GPR176: variants seen among roughly 807,000 people sequenced by gnomAD.
GPR176 encodes the protein G-protein coupled receptor 176.
In GPR176, 26 loss-of-function variants were observed where a neutral mutation model predicts 35.4. The observed-to-expected ratio is 0.74, with a 90% CI of 0.54 to 1.02. The LOEUF (loss-of-function observed/expected upper bound fraction) is 1.02, where lower values mean the gene tolerates loss of function less well. Ranked by LOEUF, GPR176 falls within the 50% of genes least tolerant of loss-of-function variation. The probability of loss-of-function intolerance (pLI) is 0.00; values close to 1 mark genes in which losing one functional copy is unlikely to be tolerated. For synonymous variants in GPR176, 278 were observed against 271.3 expected, an observed-to-expected ratio of 1.02 and a Z score of -0.24; for missense variants, 597 against 665.3, an observed-to-expected ratio of 0.90 and a Z score of 1.13.
At chr15:39,880,049 G>A (rs986710359) in intron 1 of GPR176, among the ~76,000 whole-genome samples, 3 of 152,164 alleles carry the variant, frequency 2.0e-5, no homozygotes, top group Non-Finnish European at 4.4e-5. Flanking sequence ...CTTTACTCAT[G>A]CACACAGTGA....
chr15:39,801,209 C>G lies in GPR176; in HGVS notation c.1471G>C (p.Val491Leu). 3 of 1,614,094 alleles carry G rather than the reference C, an allele frequency of 1.9e-6. No homozygotes were observed. Among genetic ancestry groups the G allele is most frequent in the Non-Finnish European group, 2.5e-6 (3 of 1,179,918 alleles). Residue 491 changes from valine (V) to leucine (L), a missense_variant, in exon 3 of 3, where the codon GTG (valine) becomes CTG (leucine). Physicochemically the swap from Val to Leu is conservative, Grantham distance 32. Transcript: ENST00000561100. ...NTPEELIQTK[V>L]PKVGRVERKM... ...CGCTCCACCCTGCCTACCTTGGGCA[C>G]CTTTGTCTGGATCAGCTCTTCTGGG... is the stretch of plus-strand genomic sequence containing the variant.
chr15:39,812,916 G>A (rs962908902), intron 1 of GPR176, among the ~76,000 whole-genome samples: 3 of 151,558 alleles, frequency 2.0e-5, no homozygotes, highest in Non-Finnish European at 4.4e-5. Flanking sequence ...GCTAATTTTT[G>A]TAGAGACAGG....
intron 1 of GPR176, 150 bp downstream of exon 1, chr15:39,919,705 T>C (rs2033822975): frequency 1.9e-6 from 1 of 520,924 alleles, no homozygotes; most frequent in Non-Finnish European, 3.2e-6. Flanking sequence ...TTAACTACAC[T>C]GCAGCTACCC....
intron 1 of GPR176, among the ~76,000 whole-genome samples, chr15:39,914,553 G>A (rs1156623094): frequency 6.6e-6 from 1 of 152,012 alleles, no homozygotes; most frequent in Non-Finnish European, 1.5e-5. Context: ...CAAGTGATCT[G>A]CCCGCCTTGG....
At chr15:39,871,582 G>A (rs2032044143) in intron 1 of GPR176, among the ~76,000 whole-genome samples, 1 of 152,104 alleles carries the variant, frequency 6.6e-6, no homozygotes, top group African/African-American at 2.4e-5. Context: ...CTCACCACAT[G>A]CTCAAGTTGC....
At chr15:39,849,573 C>T (rs937687337) in intron 1 of GPR176, among the ~76,000 whole-genome samples, 5 of 152,122 alleles carry the variant, frequency 3.3e-5, no homozygotes, top group African/African-American at 4.8e-5. Context: ...TAATTATACA[C>T]CATTCCCAAG....
intron 1 of GPR176, among the ~76,000 whole-genome samples, chr15:39,850,894 AC>A (rs1241538151): frequency 6.6e-6 from 1 of 152,116 alleles, no homozygotes; most frequent in East Asian, 1.9e-4. Flanking sequence ...CAAAAGAAAG[AC>A]CTATTAGGAA....
At chr15:39,807,523 G>A (rs1416288016) in intron 1 of GPR176, 27 of 1,478,286 alleles carry the variant, frequency 1.8e-5, no homozygotes, top group South Asian at 6.6e-5. Context: ...GTATTATAAC[G>A]ATGGCTTAGT....
chr15:39,830,912 T>G lies in GPR176; in HGVS notation c.173-23654A>C, dbSNP rs1401173615. 3.7e-4 allele frequency among the ~76,000 whole-genome samples: 56 copies of G among 152,222 alleles called. 1 individual carries two copies. On this transcript the variant is annotated intron_variant, in intron 1 of 2. Coordinates refer to ENST00000561100, the MANE Select transcript of GPR176 (RefSeq NM_007223.3). The stretch of plus-strand genomic sequence containing the variant: ...AGACTCTCACACAAAAGTGGACTTC[T>G]GCTTTGCCCCAGAGTCAATGTCAGT...
chr15:39,914,561 T>C (rs1195410428), intron 1 of GPR176, among the ~76,000 whole-genome samples: 5 of 152,144 alleles, frequency 3.3e-5, no homozygotes, highest in Admixed American at 1.3e-4. Context: ...CTGCCCGCCT[T>C]GGCCTCCCAA....
At chr15:39,825,174 T>C (rs551096697) in intron 1 of GPR176, among the ~76,000 whole-genome samples, 16 of 152,254 alleles carry the variant, frequency 1.1e-4, no homozygotes, top group Middle Eastern at 3.4e-3. Flanking sequence ...TGCACTCCAG[T>C]CTGGGCAACA....
intron 1 of GPR176, among the ~76,000 whole-genome samples, chr15:39,895,401 T>G (rs992496101): frequency 3.9e-5 from 6 of 152,176 alleles, no homozygotes; most frequent in Non-Finnish European, 8.8e-5. Flanking sequence ...CAACATAAGA[T>G]TTGACACTAT....
At chr15:39,892,972 C>A (rs1421636278) in intron 1 of GPR176, among the ~76,000 whole-genome samples, 1 of 152,186 alleles carries the variant, frequency 6.6e-6, no homozygotes, top group Non-Finnish European at 1.5e-5. Flanking sequence ...TTCATTATTT[C>A]TTGATTTAGT....
intron 1 of GPR176, among the ~76,000 whole-genome samples, chr15:39,871,009 G>A (rs564335122): frequency 6.6e-6 from 1 of 152,262 alleles, no homozygotes; most frequent in East Asian, 1.9e-4. Context: ...GAGACCCTGA[G>A]CAGAGGACTC....
intron 1 of GPR176, among the ~76,000 whole-genome samples, chr15:39,830,543 C>A (rs1901003252): frequency 6.6e-6 from 1 of 152,114 alleles, no homozygotes; most frequent in Non-Finnish European, 1.5e-5. Flanking sequence ...AGTTGCACAG[C>A]ATGGATATGG....
intron 1 of GPR176, among the ~76,000 whole-genome samples, chr15:39,826,078 A>C (rs1900629156): frequency 6.6e-6 from 1 of 152,100 alleles, no homozygotes; most frequent in Non-Finnish European, 1.5e-5. Flanking sequence ...GGGTGTGAGC[A>C]CGCACTGCTC....
intron 1 of GPR176, among the ~76,000 whole-genome samples, chr15:39,860,119 G>T (rs2031498158): frequency 6.6e-6 from 1 of 152,100 alleles, no homozygotes; most frequent in Non-Finnish European, 1.5e-5. Flanking sequence ...AACAATACTA[G>T]AGTAATAAAA....
In GPR176 at chr15:39,879,448, G is replaced by A. The variant is rs78514747; in HGVS notation, c.172+40407C>T. Among the ~76,000 whole-genome samples, 432 of 152,266 alleles carry A rather than the reference G, an allele frequency of 2.8e-3. 18 individuals carry two copies. In the East Asian group the frequency reaches 0.074, roughly 26 times the overall value. On this transcript the variant is annotated intron_variant, in intron 1 of 2. Coordinates refer to ENST00000561100, the MANE Select transcript of GPR176 (RefSeq NM_007223.3). ...AGCAACTTCATCCCAAAGGTCTATT[G>A]AAATGTTCAGGCCAATTAATGCCAC... is the stretch of plus-strand genomic sequence containing the variant.
At chr15:39,888,287 T>TTTG (rs1385429845) in intron 1 of GPR176, among the ~76,000 whole-genome samples, 2 of 152,150 alleles carry the variant, frequency 1.3e-5, no homozygotes, top group Admixed American at 6.5e-5. Flanking sequence ...TATTTGTTTT[T>TTTG]TTTGTTTGTT....
Sources: allele counts gnomAD v4.1 joint callset (sites outside exome capture counted in the v4.1 genomes callset), GRCh38; gene constraint gnomAD v4.1.1; transcripts MANE v1.5; gene names NCBI Gene and HGNC (gene_info 2026-07-23, HGNC 2026-07-21).